Variants in CACNA1E observed in about 807,000 individuals in gnomAD.
CACNA1E encodes the protein calcium voltage-gated channel subunit alpha1 E.
In CACNA1E, 40 loss-of-function variants were observed where a neutral mutation model predicts 259.2. The observed-to-expected ratio is 0.15, with a 90% CI of 0.12 to 0.20. The LOEUF (loss-of-function observed/expected upper bound fraction) is 0.20, where lower values mean the gene tolerates loss of function less well. Among genes scored for constraint, CACNA1E ranks in the 10% least tolerant of loss-of-function variants. CACNA1E has a pLI of 1.00. For synonymous variants in CACNA1E, 1,104 were observed against 1,138.5 expected, an observed-to-expected ratio of 0.97 and a Z score of 0.61; for missense variants, 1,874 against 3,040.1, an observed-to-expected ratio of 0.62 and a Z score of 9.02.
intron 1 of CACNA1E, among the ~76,000 whole-genome samples, chr1:181,399,215 A>T (rs1656909611): frequency 1.4e-5 from 2 of 145,460 alleles, no homozygotes; most frequent in African/African-American, 2.7e-5. Flanking sequence ...AAGTTTAGAG[A>T]GTTTTTTTTT....
upstream of CACNA1E, among the ~76,000 whole-genome samples, chr1:181,482,368 C>T (rs530439003): frequency 5.9e-5 from 9 of 152,270 alleles, no homozygotes; most frequent in Non-Finnish European, 7.3e-5. Context: ...CACGCCAGGC[C>T]CTCGCTCTCT....
In CACNA1E at chr1:181,783,786, TA is replaced by T. The variant is rs1166232555; in HGVS notation, c.5470+4del. ...CTCTGGACATTAAAATTGCCAAAGG[TA>T]AGCTTAGCTTAGGAAGGGAGGTGGG... On this transcript the variant is annotated splice_donor_region_variant and intron_variant, in intron 40 of 47. Transcript: ENST00000367573. The T allele has an allele frequency of 6.8e-7, 1 of 1,475,104 alleles. No homozygotes were observed. The highest frequency in any genetic ancestry group is 2.0e-5 in the Admixed American group (1 of 50,676). The allele number at this position is 1,475,104 out of a possible 1,614,324, so 91.4% of individuals were successfully genotyped here.
At chr1:181,643,315 A>C (rs1180321036) in intron 6 of CACNA1E, among the ~76,000 whole-genome samples, 2 of 152,196 alleles carry the variant, frequency 1.3e-5, no homozygotes, top group Non-Finnish European at 2.9e-5. Flanking sequence ...GGACAGGATA[A>C]ATATCACATG....
At chr1:181,397,875 CA>C (rs948785347) in intron 1 of CACNA1E, among the ~76,000 whole-genome samples, 1 of 152,152 alleles carries the variant, frequency 6.6e-6, no homozygotes, top group Non-Finnish European at 1.5e-5. Flanking sequence ...TTGGCTAGGG[CA>C]AAAAATGACC....
At chr1:181,342,277 C>G (rs1652215638) in intron 1 of CACNA1E, among the ~76,000 whole-genome samples, 1 of 152,042 alleles carries the variant, frequency 6.6e-6, no homozygotes, top group South Asian at 2.1e-4. Context: ...GAAGCATAGC[C>G]TTATAAAGCA....
At chr1:181,559,666 T>A (rs12071603) in intron 3 of CACNA1E, among the ~76,000 whole-genome samples, 2 of 152,162 alleles carry the variant, frequency 1.3e-5, no homozygotes, top group Admixed American at 1.3e-4. Context: ...CCTGCGGGCC[T>A]CTGATGCCCT....
At chr1:181,615,468 G>T (rs112465979) in intron 6 of CACNA1E, among the ~76,000 whole-genome samples, 2 of 152,154 alleles carry the variant, frequency 1.3e-5, no homozygotes, top group African/African-American at 2.4e-5. Flanking sequence ...GATTACAGGT[G>T]TGAGCCACCA....
chr1:181,507,605 C>T (rs142115910), intron 1 of CACNA1E, among the ~76,000 whole-genome samples: 2,882 of 152,218 alleles, frequency 0.019, 44 homozygotes, highest in Non-Finnish European at 0.031. Flanking sequence ...GGGGAGGCCT[C>T]GGAGGCACAT....
chr1:181,493,196 C>T (rs1490959345), intron 1 of CACNA1E, among the ~76,000 whole-genome samples: 1 of 152,188 alleles, frequency 6.6e-6, no homozygotes, highest in Non-Finnish European at 1.5e-5. Context: ...AAACATCTAT[C>T]ATGTTAAAAA....
chr1:181,571,519 G>A (rs971549964), intron 3 of CACNA1E, among the ~76,000 whole-genome samples: 9 of 152,200 alleles, frequency 5.9e-5, no homozygotes, highest in South Asian at 2.1e-4. Flanking sequence ...AACCAACCAC[G>A]TATGGAATGC....
At chr1:181,389,145 T>C (rs555794340) in intron 1 of CACNA1E, among the ~76,000 whole-genome samples, 1 of 141,482 alleles carries the variant, frequency 7.1e-6, no homozygotes, top group South Asian at 2.2e-4. Context: ...AGCTCATGCC[T>C]GAACCAAGCT....
intron 7 of CACNA1E, among the ~76,000 whole-genome samples, chr1:181,663,646 A>G (rs1335176094): frequency 6.6e-6 from 1 of 152,086 alleles, no homozygotes; most frequent in Non-Finnish European, 1.5e-5. Context: ...GGCATCTTAA[A>G]AGTCAGGAGC....
chr1:181,322,945 A>T (rs1252669797), intron 1 of CACNA1E, among the ~76,000 whole-genome samples: 1 of 152,250 alleles, frequency 6.6e-6, no homozygotes, highest in East Asian at 1.9e-4. Context: ...TGTCTTGGGC[A>T]CAACTGCGTA....
At chr1:181,611,661 A>G (rs1334622663) in intron 6 of CACNA1E, among the ~76,000 whole-genome samples, 1 of 152,152 alleles carries the variant, frequency 6.6e-6, no homozygotes, top group Admixed American at 6.5e-5. Flanking sequence ...TAGATTCAAT[A>G]GGGGAAGGGT....
intron 46 of CACNA1E, 23 bp downstream of exon 46, chr1:181,795,067 GCT>G: frequency 6.2e-7 from 1 of 1,603,640 alleles, no homozygotes; most frequent in Non-Finnish European, 8.5e-7. Context: ...TCAGTGTCCA[GCT>G]CTTTCATCAG....
chr1:181,652,779 T>C (rs558733787), intron 7 of CACNA1E, among the ~76,000 whole-genome samples: 1 of 152,260 alleles, frequency 6.6e-6, no homozygotes, highest in South Asian at 2.1e-4. Context: ...ACTCCCATCC[T>C]AGCAAAAGTT....
chr1:181,595,970 C>T (rs991998176), intron 6 of CACNA1E, among the ~76,000 whole-genome samples: 2 of 152,066 alleles, frequency 1.3e-5, no homozygotes, highest in Non-Finnish European at 2.9e-5. Context: ...CTTTTATATC[C>T]AGGTTATTTA....
At chr1:181,563,691 A>G (rs959866830) in intron 3 of CACNA1E, among the ~76,000 whole-genome samples, 1 of 152,184 alleles carries the variant, frequency 6.6e-6, no homozygotes, top group Non-Finnish European at 1.5e-5. Context: ...ACTTGCTAAC[A>G]TGATATCAAG....
intron 1 of CACNA1E, among the ~76,000 whole-genome samples, chr1:181,332,354 A>G (rs1651349410): frequency 6.6e-6 from 1 of 152,252 alleles, no homozygotes; most frequent in Non-Finnish European, 1.5e-5. Flanking sequence ...CACATCCTGC[A>G]CATGTTACCC....
Sources: gnomAD v4.1 joint callset for allele counts (sites outside exome capture counted in the v4.1 genomes callset) on GRCh38, gnomAD v4.1.1 for gene constraint, MANE v1.5 for transcripts, NCBI Gene and HGNC (gene_info 2026-07-23, HGNC 2026-07-21) for gene names.